ZDHHC13: variants seen among roughly 807,000 people sequenced by gnomAD.
ZDHHC13 encodes palmitoyltransferase ZDHHC13.
A neutral mutation model predicts 86.0 loss-of-function variants in ZDHHC13; 85 were observed. That is an observed-to-expected ratio of 0.99 (90% confidence interval 0.83 to 1.18). The LOEUF is 1.18. Among genes scored for constraint, ZDHHC13 ranks in the 50% most tolerant of loss-of-function variants. ZDHHC13 has a pLI of 0.00. For missense variants in ZDHHC13, 711 were observed against 730.2 expected (o/e 0.97, Z 0.30); for synonymous variants, 263 against 246.4 (o/e 1.07, Z -0.63).
intron 1 of ZDHHC13, among the ~76,000 whole-genome samples, chr11:19,124,898 C>T (rs544794322): frequency 5.3e-5 from 8 of 152,104 alleles, no homozygotes; most frequent in African/African-American, 1.9e-4. Context: ...TCTGATTTGC[C>T]CCCAGCCTTG....
chr11:19,134,877 AAAAT>A lies in ZDHHC13; in HGVS notation c.28-8099_28-8096del, dbSNP rs1403810347. 2.6e-5 allele frequency among the ~76,000 whole-genome samples: 4 copies of A among 152,184 alleles called. No individual in the cohort carries two copies. In the South Asian group the frequency reaches 8.3e-4, roughly 32 times the overall value. On this transcript the variant is annotated intron_variant, in intron 1 of 16. Coordinates refer to ENST00000446113, the MANE Select transcript of ZDHHC13 (RefSeq NM_019028.3). ...ATAATAAAAAAAAATTAAAAAGAAA[AAAAT>A]ATTATCTGGGTATGGTGGCATGCGC... is the stretch of plus-strand genomic sequence containing the variant.
At chr11:19,165,680 G>T (rs558607013) in intron 13 of ZDHHC13, among the ~76,000 whole-genome samples, 1 of 152,192 alleles carries the variant, frequency 6.6e-6, no homozygotes, top group East Asian at 1.9e-4. Context: ...GCCACTCTTT[G>T]CATGTCCAGT....
intron 14 of ZDHHC13, chr11:19,169,975 G>A: frequency 1.0e-6 from 1 of 996,660 alleles, no homozygotes; most frequent in Non-Finnish European, 1.2e-6. Flanking sequence ...AGGTGCTTGT[G>A]GGATATCTTG....
At chr11:19,131,400 G>C (rs1346750686) in intron 1 of ZDHHC13, among the ~76,000 whole-genome samples, 1 of 152,098 alleles carries the variant, frequency 6.6e-6, no homozygotes, top group Admixed American at 6.5e-5. Flanking sequence ...TGTAGTTACT[G>C]TGAGTTTATA....
chr11:19,144,144 C>T (rs1329989822), intron 2 of ZDHHC13, among the ~76,000 whole-genome samples: 1 of 152,120 alleles, frequency 6.6e-6, no homozygotes, highest in African/African-American at 2.4e-5. Flanking sequence ...TTGGGAACCA[C>T]TCTTTTAGTT....
chr11:19,172,843 G>A, intron 16 of ZDHHC13, 23 bp downstream of exon 16: 1 of 1,566,666 alleles, frequency 6.4e-7, no homozygotes. Flanking sequence ...TGTTTTGGAT[G>A]CTGAGTCCTG....
chr11:19,169,838 G>C, intron 14 of ZDHHC13: 3 of 985,618 alleles, frequency 3.0e-6, no homozygotes, highest in Non-Finnish European at 3.6e-6. Flanking sequence ...CTTTTCCCAG[G>C]TGTATCTGTC....
In ZDHHC13 at chr11:19,159,049, T is replaced by G; in HGVS notation, c.1108+9T>G. 1 of 1,523,408 alleles carries G rather than the reference T, an allele frequency of 6.6e-7. No homozygotes were observed. Among genetic ancestry groups the G allele is most frequent in the Non-Finnish European group, 8.9e-7 (1 of 1,126,376 alleles). The allele number at this position is 1,523,408 out of a possible 1,614,324, so 94.4% of individuals were successfully genotyped here. A position where few individuals can be genotyped will look rare whatever the true frequency, so the allele number is the denominator to read the frequency against. The stretch of plus-strand genomic sequence containing the variant: ...CATCTTATTTTTTCCTGATATCCTT[T>G]AAGCATCAATTTTGATGTGTATCTC... On this transcript the variant is annotated intron_variant, in intron 10 of 16. Transcript: ENST00000446113.
chr11:19,117,352 TGA>T lies in ZDHHC13; in HGVS notation c.27+80_27+81del. ...GCTGTGGAGGAAAGGATGGTGTGGG[TGA>T]GAGGCCGCTCGATGAGGGGGTTTCG... On this transcript the variant is annotated intron_variant, in intron 1 of 16. Transcript: ENST00000446113. The surrounding 1 kb of genome is among the most constrained non-coding windows in gnomAD (Gnocchi z 4.2). 7.3e-7 allele frequency: 1 copy of T among 1,361,988 alleles called. No individual in the cohort carries two copies. Among genetic ancestry groups the T allele is most frequent in the South Asian group, 1.6e-5 (1 of 64,008 alleles). 84.4% of individuals were successfully genotyped at this position (1,361,988 alleles called of 1,614,324 possible).
intron 1 of ZDHHC13, among the ~76,000 whole-genome samples, chr11:19,123,091 G>A (rs1281798745): frequency 3.3e-5 from 5 of 152,108 alleles, no homozygotes; most frequent in Non-Finnish European, 7.4e-5. Context: ...AATTCCTGGA[G>A]GATAGACACC....
intron 1 of ZDHHC13, among the ~76,000 whole-genome samples, chr11:19,119,922 C>T (rs568848450): frequency 3.3e-5 from 5 of 152,284 alleles, no homozygotes; most frequent in African/African-American, 9.6e-5. Context: ...ATTTCTCTCT[C>T]ACTCGCTCCT....
intron 1 of ZDHHC13, among the ~76,000 whole-genome samples, chr11:19,121,336 T>A (rs1187003411): frequency 6.6e-6 from 1 of 152,146 alleles, no homozygotes; most frequent in Non-Finnish European, 1.5e-5. Context: ...TAGTCTGTAT[T>A]TTACTCTGCT....
At position 19,169,054 on chromosome 11, in the gene ZDHHC13, G is replaced by A. The variant is rs77416308; in HGVS notation, c.1475-1357G>A. ...TGTTACATTGCATAAGATAATGTAC[G>A]TGACAACTTGCTGTTGTATCTTTGA... On this transcript the variant is annotated intron_variant, in intron 14 of 16. Transcript: ENST00000446113. 15 of 985,346 alleles carry A rather than the reference G, an allele frequency of 1.5e-5. No homozygotes were observed. The Admixed American group carries it at 1.8e-4, about 12-fold the overall frequency. The allele number at this position is 985,346 out of a possible 1,614,324, so 61.0% of individuals were successfully genotyped here.
chr11:19,159,228 A>G (rs939778205), intron 10 of ZDHHC13, among the ~76,000 whole-genome samples, 188 bp downstream of exon 10: 11 of 152,178 alleles, frequency 7.2e-5, no homozygotes, highest in Non-Finnish European at 1.3e-4. Context: ...CTCAGAGTAC[A>G]TTATGGAAAC....
chr11:19,174,366 A>G (rs1422565496), intron 16 of ZDHHC13, among the ~76,000 whole-genome samples: 1 of 152,208 alleles, frequency 6.6e-6, no homozygotes, highest in African/African-American at 2.4e-5. Flanking sequence ...ACACTACTCT[A>G]ACTAGCTTTT....
chr11:19,119,326 C>T (rs1437622031), intron 1 of ZDHHC13, among the ~76,000 whole-genome samples: 2 of 152,054 alleles, frequency 1.3e-5, no homozygotes, highest in African/African-American at 2.4e-5. Flanking sequence ...AGGATGGTCT[C>T]GATCTCCTGA....
Position 19,169,526 on chromosome 11 carries a change from T to C in ZDHHC13, c.1475-885T>C, listed in dbSNP as rs1384804872. ...TCTTCAGAGCAGCATTGGGAAAATG[T>C]CCAAAACTGTTTATCAAATTGTCAG... On this transcript the variant is annotated intron_variant, in intron 14 of 16. Transcript: ENST00000446113. The C allele has an allele frequency of 5.1e-6, 5 of 985,322 alleles. No individual in the cohort carries two copies. The African/African-American group carries it at 8.7e-5, about 17-fold the overall frequency. The allele number at this position is 985,322 out of a possible 1,614,324, so 61.0% of individuals were successfully genotyped here.
chr11:19,130,965 C>T (rs990112699), intron 1 of ZDHHC13, among the ~76,000 whole-genome samples: 2 of 151,992 alleles, frequency 1.3e-5, no homozygotes, highest in African/African-American at 4.8e-5. Flanking sequence ...TCTGCCTCAG[C>T]CTCCCTAGTA....
At chr11:19,157,319 A>C (rs747703458) in intron 9 of ZDHHC13, among the ~76,000 whole-genome samples, 3 of 152,232 alleles carry the variant, frequency 2.0e-5, no homozygotes, top group Non-Finnish European at 4.4e-5. Flanking sequence ...AAAGAATCTA[A>C]AGGGAAATAC....
Sources: allele counts gnomAD v4.1 joint callset (sites outside exome capture counted in the v4.1 genomes callset), GRCh38; gene constraint gnomAD v4.1.1; non-coding constraint Gnocchi (gnomAD v3.1); transcripts MANE v1.5; gene names NCBI Gene and HGNC (gene_info 2026-07-23, HGNC 2026-07-21).